ADAM18: variants seen among roughly 807,000 people sequenced by gnomAD.
The protein encoded by ADAM18 is ADAM metallopeptidase domain 18.
Under a neutral mutation model 94.4 loss-of-function variants are expected in ADAM18, and 117 were observed. That is an observed-to-expected ratio of 1.24 (90% CI 1.07 to 1.45). The LOEUF (loss-of-function observed/expected upper bound fraction) is 1.45. Ranked by LOEUF, ADAM18 falls within the 40% of genes most tolerant of loss-of-function variation. The probability of loss-of-function intolerance (pLI) is 0.00; values close to 1 mark genes in which losing one functional copy is unlikely to be tolerated. For synonymous variants in ADAM18, 327 were observed against 291.6 expected, an observed-to-expected ratio of 1.12 and a Z score of -1.24; for missense variants, 936 against 880.0, an observed-to-expected ratio of 1.06 and a Z score of -0.81.
intron 18 of ADAM18, among the ~76,000 whole-genome samples, chr8:39,723,292 A>G (rs1822811194): frequency 6.6e-6 from 1 of 151,592 alleles, no homozygotes; most frequent in Non-Finnish European, 1.5e-5. Context: ...TGCGGATACA[A>G]GTATAGGTAT....
chr8:39,589,566 C>T (rs1026490247), intron 2 of ADAM18, among the ~76,000 whole-genome samples: 3 of 151,486 alleles, frequency 2.0e-5, no homozygotes, highest in Admixed American at 6.6e-5. Context: ...CCTTGACATG[C>T]GTATTTTACA....
intron 18 of ADAM18, among the ~76,000 whole-genome samples, chr8:39,710,257 A>G (rs776928311): frequency 6.6e-5 from 10 of 152,224 alleles, no homozygotes; most frequent in Admixed American, 6.5e-5. Flanking sequence ...AGAAAATTGT[A>G]TGAGGTATTT....
intron 17 of ADAM18, among the ~76,000 whole-genome samples, chr8:39,697,216 G>A (rs1431275087): frequency 6.6e-6 from 1 of 151,522 alleles, no homozygotes; most frequent in Non-Finnish European, 1.5e-5. Context: ...TATGTGTGTT[G>A]ATTTTGTATC....
In ADAM18 at chr8:39,723,598, T is replaced by C; in HGVS notation, c.2018-150T>C. 4 of 477,490 alleles carry C rather than the reference T, an allele frequency of 8.4e-6. No individual in the cohort carries two copies. In the South Asian group the frequency reaches 2.5e-4, roughly 30 times the overall value. The allele number at this position is 477,490 out of a possible 1,614,324, so 29.6% of individuals were successfully genotyped here. A position where few individuals can be genotyped will look rare whatever the true frequency, so the allele number is the denominator to read the frequency against. On this transcript the variant is annotated intron_variant, in intron 18 of 19. Coordinates refer to ENST00000265707, the MANE Select transcript of ADAM18 (RefSeq NM_014237.3). ...AGAAAATCTATGAAAAATATAGCACTGTAGTTTGCATTTATGTTCTATTTT... is the reference window on the plus strand; with the variant it reads ...AGAAAATCTATGAAAAATATAGCACCGTAGTTTGCATTTATGTTCTATTTT...
intron 2 of ADAM18, among the ~76,000 whole-genome samples, chr8:39,592,270 A>T (rs1223751690): frequency 6.6e-6 from 1 of 152,186 alleles, no homozygotes; most frequent in African/African-American, 2.4e-5. Context: ...GGGTAGAATG[A>T]TAGTTCTATT....
At chr8:39,673,055 C>T (rs538484782) in intron 14 of ADAM18, among the ~76,000 whole-genome samples, 119 of 152,176 alleles carry the variant, frequency 7.8e-4, no homozygotes, top group African/African-American at 2.7e-3. Flanking sequence ...TGTCTGTAAC[C>T]GCCTGTTTCA....
chr8:39,650,714 A>C (rs529971994), intron 12 of ADAM18, among the ~76,000 whole-genome samples: 1 of 152,342 alleles, frequency 6.6e-6, no homozygotes, highest in Admixed American at 6.5e-5. Context: ...TAGTGGCTAA[A>C]GTGATCTACA....
intron 16 of ADAM18, among the ~76,000 whole-genome samples, chr8:39,687,637 G>T (rs1192787155): frequency 6.6e-6 from 1 of 152,056 alleles, no homozygotes; most frequent in East Asian, 1.9e-4. Flanking sequence ...CCCATTTCAA[G>T]CAGTCCCAGT....
At chr8:39,628,847 G>A (rs1819848313) in intron 6 of ADAM18, among the ~76,000 whole-genome samples, 1 of 152,012 alleles carries the variant, frequency 6.6e-6, no homozygotes, top group Non-Finnish European at 1.5e-5. Flanking sequence ...TAGGTCCAGA[G>A]CATAGGCTTT....
At chr8:39,629,689 C>T (rs1157767359) in intron 7 of ADAM18, among the ~76,000 whole-genome samples, 1 of 151,230 alleles carries the variant, frequency 6.6e-6, no homozygotes, top group Non-Finnish European at 1.5e-5. Flanking sequence ...TTGCTTCCTT[C>T]CTTCCTCTTT....
intron 3 of ADAM18, 41 bp from the exon 4 acceptor site, chr8:39,608,995 TATTAAG>T (rs1563273052): frequency 9.2e-7 from 1 of 1,083,478 alleles, no homozygotes; most frequent in South Asian, 1.5e-5. Context: ...TTTAACATTA[TATTAAG>T]ATTATGATTC....
At chr8:39,702,188 G>A (rs907551582) in intron 17 of ADAM18, among the ~76,000 whole-genome samples, 2 of 152,110 alleles carry the variant, frequency 1.3e-5, no homozygotes, top group African/African-American at 4.8e-5. Flanking sequence ...ATTCTGACTG[G>A]CATGAAATGG....
rs77940675 is a variant in ADAM18, at chr8:39,633,830, T to TA, written c.589-3421dup. 3.5e-3 allele frequency among the ~76,000 whole-genome samples: 339 copies of TA among 96,152 alleles called. 1 individual carries two copies. The highest frequency in any genetic ancestry group is 8.9e-3 in the African/African-American group (231 of 25,934). 63.1% of individuals were successfully genotyped at this position (96,152 alleles called of 152,430 possible). On this transcript the variant is annotated intron_variant, in intron 7 of 19. Transcript: ENST00000265707. ...TTGAAAAACTCTCAGCCTTGCCCTG[T>TA]AAAAAAAAAAAAAGGTGGGGGATGG... is the stretch of plus-strand genomic sequence containing the variant.
intron 11 of ADAM18, among the ~76,000 whole-genome samples, chr8:39,645,868 A>G (rs1421860347): frequency 6.6e-6 from 1 of 152,140 alleles, no homozygotes; most frequent in Non-Finnish European, 1.5e-5. Flanking sequence ...CTATTTATAC[A>G]CTAATTTTGT....
Position 39,584,605 on chromosome 8 carries a change from C to T in ADAM18, c.-18C>T. ...CGGTCTCTGTCCTTGGCTGTGGCTC[C>T]TGCGCTCTGGCTGAGCCATGTTCCT... On this transcript the variant is annotated 5_prime_UTR_variant, in exon 1 of 20. Coordinates refer to ENST00000265707, the MANE Select transcript of ADAM18 (RefSeq NM_014237.3). 1 of 1,612,074 alleles carries T rather than the reference C, an allele frequency of 6.2e-7. No homozygotes were observed. The highest frequency in any genetic ancestry group is 8.5e-7 in the Non-Finnish European group (1 of 1,179,990).
intron 2 of ADAM18, among the ~76,000 whole-genome samples, chr8:39,594,967 C>G (rs1456453750): frequency 1.3e-5 from 2 of 151,788 alleles, no homozygotes; most frequent in Admixed American, 1.3e-4. Flanking sequence ...TCTAATGACA[C>G]TGGTAGAATT....
chr8:39,662,904 C>T (rs921975287), intron 12 of ADAM18, among the ~76,000 whole-genome samples: 17 of 152,132 alleles, frequency 1.1e-4, no homozygotes, highest in African/African-American at 9.7e-5. Flanking sequence ...GGATTACAGG[C>T]GTGAGCCACT....
Position 39,706,801 on chromosome 8 carries a change from T to A in ADAM18, c.1914T>A (p.Asn638Lys). Reference sequence around the variant, plus strand: ...TTTTTCTGTTTCAGATATGTAATAATTTTGGTAATTGTCAATGCTTCCCTG... The same window carrying A: ...TTTTTCTGTTTCAGATATGTAATAAATTTGGTAATTGTCAATGCTTCCCTG... ...TKCKGKGICN[N>K]FGNCQCFPGH... The change falls in exon 18 of 20, where the codon AAT (asparagine) becomes AAA (lysine). Residue 638 changes from asparagine to lysine, a missense_variant. By Grantham distance (94) the Asn-to-Lys change is moderately conservative. Transcript: ENST00000265707. The A allele has an allele frequency of 6.3e-7, 1 of 1,596,824 alleles. No individual in the cohort carries two copies. Among genetic ancestry groups the A allele is most frequent in the East Asian group, 2.2e-5 (1 of 44,750 alleles).
intron 19 of ADAM18, among the ~76,000 whole-genome samples, chr8:39,726,257 T>TACAC (rs34664356): frequency 1.1e-3 from 155 of 145,568 alleles, no homozygotes; most frequent in East Asian, 3.9e-3. Flanking sequence ...GTATGAGATC[T>TACAC]ACACACACAC....
Sources: allele counts gnomAD v4.1 joint callset (sites outside exome capture counted in the v4.1 genomes callset), GRCh38; gene constraint gnomAD v4.1.1; transcripts MANE v1.5; gene names NCBI Gene and HGNC (gene_info 2026-07-23, HGNC 2026-07-21).